Variants in MTERF4 observed in about 807,000 individuals in gnomAD.
The protein encoded by MTERF4 is mitochondrial transcription termination factor 4.
Under a neutral mutation model 22.5 loss-of-function variants are expected in MTERF4, and 17 were observed. The ratio of observed to expected loss-of-function variants is 0.75; its 90% CI spans 0.52 to 1.13. MTERF4 has a LOEUF of 1.13. Among genes scored for constraint, MTERF4 ranks in the 50% most tolerant of loss-of-function variants. The pLI, the probability that MTERF4 is intolerant of heterozygous loss-of-function variation, is 0.00. For missense variants in MTERF4, 420 were observed against 466.8 expected, an observed-to-expected ratio of 0.90 and a Z score of 0.92; for synonymous variants, 165 against 175.3, an observed-to-expected ratio of 0.94 and a Z score of 0.47.
At chr2:241,089,914 T>A, downstream of MTERF4, 4 of 1,528,992 alleles carry the variant, frequency 2.6e-6, no homozygotes. Context: ...CAGTGCCAAG[T>A]GTGTGTGTAT....
chr2:241,083,822 T>A (rs1004235367), downstream of MTERF4, among the ~76,000 whole-genome samples: 1 of 152,132 alleles, frequency 6.6e-6, no homozygotes, highest in Admixed American at 6.5e-5. Context: ...AGTCTGACAG[T>A]CTGGTTTTTA....
the MTERF4 span, among the ~76,000 whole-genome samples, chr2:241,044,737 C>T: frequency 6.6e-6 from 1 of 152,172 alleles, no homozygotes; most frequent in Non-Finnish European, 1.5e-5. Flanking sequence ...CCTTCCTCTC[C>T]AGTTGGAGGT....
downstream of MTERF4, among the ~76,000 whole-genome samples, chr2:241,068,224 C>A (rs2062545484): frequency 6.6e-6 from 1 of 152,184 alleles, no homozygotes; most frequent in African/African-American, 2.4e-5. This position sits in a 1 kb window ranked among gnomAD's most constrained non-coding sequence, Gnocchi z 5.3. Context: ...CGGGGGCACA[C>A]TTTCCACACA....
rs369975087 is a variant in MTERF4 at position 241,097,240 on chromosome 2, C to T, written c.705+3G>A. On this transcript the variant is annotated splice_donor_region_variant and intron_variant, in intron 3 of 3. Coordinates refer to ENST00000391980, the MANE Select transcript of MTERF4 (RefSeq NM_182501.4). ...CGCTAATCACGCTATCAGTCATTCTCACCTGAAACTTGTATTCCAGTTGAC... is the reference window on the plus strand; with the variant it reads ...CGCTAATCACGCTATCAGTCATTCTTACCTGAAACTTGTATTCCAGTTGAC... The T allele has an allele frequency of 1.1e-4, 184 of 1,613,506 alleles. No individual in the cohort carries two copies. The highest frequency in any genetic ancestry group is 1.5e-4 in the Non-Finnish European group (178 of 1,179,762).
downstream of MTERF4, chr2:241,089,309 G>T: frequency 6.5e-7 from 1 of 1,550,312 alleles, no homozygotes; most frequent in African/African-American, 1.4e-5. Flanking sequence ...GCGCAGATGA[G>T]TGAGGCACCC....
chr2:241,082,546 G>A (rs930128560), downstream of MTERF4, among the ~76,000 whole-genome samples: 2 of 152,140 alleles, frequency 1.3e-5, no homozygotes, highest in East Asian at 1.9e-4. Flanking sequence ...CAGAAAAACC[G>A]AATAACTGCC....
At chr2:241,045,872 T>C in the MTERF4 span, among the ~76,000 whole-genome samples, 1 of 152,170 alleles carries the variant, frequency 6.6e-6, no homozygotes, top group African/African-American at 2.4e-5. Context: ...AAAGACAAGC[T>C]ACAGACCAGG....
At chr2:241,058,805 C>T in the MTERF4 span, among the ~76,000 whole-genome samples, 6 of 152,114 alleles carry the variant, frequency 3.9e-5, no homozygotes, top group African/African-American at 1.4e-4. Flanking sequence ...AAAAAATTAG[C>T]TGGGCGAGGT....
the MTERF4 span, chr2:241,063,309 G>C: frequency 1.9e-6 from 1 of 520,230 alleles, no homozygotes; most frequent in Non-Finnish European, 3.5e-6. Context: ...GGCCCAGGGA[G>C]CCGTGCCCAG....
the MTERF4 span, among the ~76,000 whole-genome samples, chr2:241,046,344 A>G: frequency 2.0e-5 from 3 of 152,244 alleles, no homozygotes; most frequent in African/African-American, 7.2e-5. Context: ...TTACACACAA[A>G]TCCATATACA....
the MTERF4 span, among the ~76,000 whole-genome samples, chr2:241,057,617 G>C: frequency 6.6e-6 from 1 of 151,670 alleles, no homozygotes; most frequent in Non-Finnish European, 1.5e-5. Context: ...CCAGGAATTC[G>C]AGGCTATAGT....
chr2:241,078,845 G>A (rs1029861971), intron 4 of MTERF4, among the ~76,000 whole-genome samples: 1 of 151,984 alleles, frequency 6.6e-6, no homozygotes, highest in Admixed American at 6.5e-5. Flanking sequence ...CAGGCACGGT[G>A]GCTCATGCCT....
intron 4 of MTERF4, chr2:241,081,867 G>C (rs1184140575): frequency 8.5e-7 from 1 of 1,176,880 alleles, no homozygotes; most frequent in Non-Finnish European, 1.2e-6. Context: ...CTGGGCCACA[G>C]CTGGGTTTGC....
the MTERF4 span, among the ~76,000 whole-genome samples, chr2:241,065,134 G>T: frequency 1.3e-5 from 2 of 152,092 alleles, no homozygotes; most frequent in African/African-American, 4.8e-5. Context: ...ACATTCAAAA[G>T]TGTGACCCTC....
downstream of MTERF4, chr2:241,071,542 C>T: frequency 6.4e-7 from 1 of 1,564,238 alleles, no homozygotes; most frequent in Non-Finnish European, 8.6e-7. Context: ...GAGGGCAGCC[C>T]CAGACCAGCC....
At chr2:241,082,970 C>T (rs938783869), downstream of MTERF4, among the ~76,000 whole-genome samples, 4 of 152,180 alleles carry the variant, frequency 2.6e-5, no homozygotes, top group African/African-American at 7.2e-5. Context: ...TGCTGTGTGC[C>T]GGGCACTGTT....
chr2:241,076,166 C>A (rs2063010908), intron 4 of MTERF4, among the ~76,000 whole-genome samples: 1 of 152,198 alleles, frequency 6.6e-6, no homozygotes, highest in Middle Eastern at 3.2e-3. Context: ...TAGTCACACT[C>A]TATGGAAAAG....
downstream of MTERF4, chr2:241,082,131 A>G (rs2063357150): frequency 1.4e-5 from 9 of 639,642 alleles, no homozygotes; most frequent in Non-Finnish European, 1.9e-5. Context: ...AGCCAGCTGC[A>G]GACCCCCGGG....
chr2:241,060,105 C>T, the MTERF4 span, among the ~76,000 whole-genome samples: 2 of 151,686 alleles, frequency 1.3e-5, no homozygotes, highest in Admixed American at 1.3e-4. Flanking sequence ...GAAAGTGTTA[C>T]ATTAATAGCA....
Sources: allele counts gnomAD v4.1 joint callset (sites outside exome capture counted in the v4.1 genomes callset), GRCh38; gene constraint gnomAD v4.1.1; non-coding constraint Gnocchi (gnomAD v3.1); transcripts MANE v1.5; gene names NCBI Gene and HGNC (gene_info 2026-07-23, HGNC 2026-07-21).